Variants in SBF2 observed in about 807,000 individuals in gnomAD.
SBF2 encodes SET binding factor 2, also known as myotubularin-related protein 13.
SBF2 carries 112 observed loss-of-function variants against 225.2 expected under a neutral mutation model. The observed-to-expected ratio is 0.50, with a 90% CI of 0.43 to 0.58. The LOEUF is 0.58. Ranked by LOEUF, SBF2 falls within the 20% of genes least tolerant of loss-of-function variation. The pLI is 0.00. For synonymous variants in SBF2, 763 were observed against 773.3 expected (o/e 0.99, Z 0.22); for missense variants, 1,996 against 2,206.2 (o/e 0.90, Z 1.91).
intron 1 of SBF2, among the ~76,000 whole-genome samples, chr11:10,251,299 T>C (rs554247244): frequency 6.6e-6 from 1 of 152,304 alleles, no homozygotes; most frequent in Admixed American, 6.5e-5. Flanking sequence ...TTAGATCCTT[T>C]TTCCATGATT....
chr11:10,293,917 T>TCCCCAACGCCCGG (rs1555111716), intron 1 of SBF2, 98 bp downstream of exon 1: 35 of 881,738 alleles, frequency 4.0e-5, no homozygotes, highest in Non-Finnish European at 5.0e-5. Context: ...GGCCTGGCCC[T>TCCCCAACGCCCGG]CCCCGACGCC....
intron 2 of SBF2, among the ~76,000 whole-genome samples, chr11:10,048,143 A>G (rs933259264): frequency 6.6e-6 from 1 of 152,180 alleles, no homozygotes; most frequent in Non-Finnish European, 1.5e-5. Flanking sequence ...AAATCTGCAG[A>G]TAATCAAGTC....
At chr11:10,113,308 A>G (rs1952970357) in intron 2 of SBF2, among the ~76,000 whole-genome samples, 1 of 152,146 alleles carries the variant, frequency 6.6e-6, no homozygotes, top group Admixed American at 6.5e-5. Context: ...CTATTTTCTA[A>G]TAACAACATA....
intron 1 of SBF2, among the ~76,000 whole-genome samples, chr11:10,293,020 G>T (rs1964269066): frequency 6.6e-6 from 1 of 152,198 alleles, no homozygotes; most frequent in Non-Finnish European, 1.5e-5. Flanking sequence ...ACCAATGGCT[G>T]TAACCATCAG....
chr11:9,966,289 C>T lies in SBF2; in HGVS notation c.1600+2052G>A, dbSNP rs570543555. On this transcript the variant is annotated intron_variant, in intron 14 of 39. Transcript: ENST00000256190. ...ATTTTTAGTAGAGATGGAGTTTCAC[C>T]GTGTTGGCCAGGCTGGTCTTGAACT... is the stretch of plus-strand genomic sequence containing the variant. Among the ~76,000 whole-genome samples, 6 of 152,200 alleles carry T rather than the reference C, an allele frequency of 3.9e-5. 1 individual carries two copies. Among genetic ancestry groups the T allele is most frequent in the African/African-American group, 1.2e-4 (5 of 41,542 alleles).
intron 1 of SBF2, among the ~76,000 whole-genome samples, chr11:10,287,438 C>G (rs981336367): frequency 6.6e-6 from 1 of 152,010 alleles, no homozygotes; most frequent in East Asian, 1.9e-4. Flanking sequence ...TGTGTCACCA[C>G]GCCAGGCTAT....
At chr11:9,999,310 TATGTATGTATGTATGTATG>T (rs1295476263) in intron 8 of SBF2, among the ~76,000 whole-genome samples, 34 of 151,168 alleles carry the variant, frequency 2.2e-4, no homozygotes, top group Non-Finnish European at 3.7e-4. Flanking sequence ...TGTATGTATG[TATGTATGTATGTATGTATG>T]TATTTATTTT....
intron 2 of SBF2, among the ~76,000 whole-genome samples, chr11:10,178,359 A>G (rs1165276011): frequency 1.4e-5 from 2 of 146,792 alleles, no homozygotes; most frequent in African/African-American, 5.1e-5. Context: ...TCATTACACT[A>G]AAGAGCTTCT....
intron 1 of SBF2, among the ~76,000 whole-genome samples, chr11:10,218,597 G>A (rs919088544): frequency 5.3e-5 from 8 of 152,054 alleles, no homozygotes; most frequent in African/African-American, 1.9e-4. Context: ...CCACCTACGA[G>A]CCTGTAAAAT....
At position 9,856,549 on chromosome 11, in the gene SBF2, G is replaced by A; in HGVS notation, c.2272C>T (p.Leu758=). The A allele has an allele frequency of 1.2e-6, 2 of 1,614,112 alleles. No individual in the cohort carries two copies. Among genetic ancestry groups the A allele is most frequent in the Non-Finnish European group, 1.7e-6 (2 of 1,180,014 alleles). The change falls in exon 19 of 40, where the codon CTA becomes TTA. Residue 758 remains leucine, a synonymous_variant. Coordinates refer to ENST00000256190, the MANE Select transcript of SBF2 (RefSeq NM_030962.4). ...IHFANLMVNL[L]VPLDTSKNKL... Reference sequence around the variant, plus strand: ...TTTTTACTTGTGTCGAGTGGAACTAGCAGGTTCACCATGAGGTTTGCAAAG... The same window carrying A: ...TTTTTACTTGTGTCGAGTGGAACTAACAGGTTCACCATGAGGTTTGCAAAG...
At chr11:10,004,427 G>T (rs1326577149) in intron 6 of SBF2, among the ~76,000 whole-genome samples, 1 of 151,736 alleles carries the variant, frequency 6.6e-6, no homozygotes, top group African/African-American at 2.4e-5. Flanking sequence ...TTGAGTGAGG[G>T]TAGTAAGGTG....
At chr11:10,216,668 G>A (rs771934499) in intron 1 of SBF2, among the ~76,000 whole-genome samples, 9 of 152,166 alleles carry the variant, frequency 5.9e-5, no homozygotes, top group Non-Finnish European at 7.4e-5. Flanking sequence ...TCAAGAGTTC[G>A]AGACCAGCCT....
At chr11:9,925,919 G>A (rs746024260) in intron 16 of SBF2, among the ~76,000 whole-genome samples, 30 of 152,198 alleles carry the variant, frequency 2.0e-4, no homozygotes, top group Non-Finnish European at 4.0e-4. Flanking sequence ...ACTGAAAAAT[G>A]TCAGTCTCCC....
intron 2 of SBF2, among the ~76,000 whole-genome samples, chr11:10,093,505 T>C (rs561096390): frequency 1.1e-4 from 17 of 152,280 alleles, no homozygotes; most frequent in African/African-American, 4.1e-4. Flanking sequence ...TCTTAAGACA[T>C]CCTTGGTAAT....
chr11:10,211,930 A>G (rs1386164570), intron 1 of SBF2, among the ~76,000 whole-genome samples: 2 of 152,204 alleles, frequency 1.3e-5, no homozygotes, highest in African/African-American at 4.8e-5. Context: ...CAAATATACA[A>G]CTGGAGTGGT....
At chr11:9,981,281 T>C (rs1054870364) in intron 13 of SBF2, among the ~76,000 whole-genome samples, 10 of 152,060 alleles carry the variant, frequency 6.6e-5, no homozygotes, top group South Asian at 2.1e-4. Context: ...CTGGCAACAA[T>C]AGACACCGAG....
At position 9,840,010 on chromosome 11, in the gene SBF2, G is replaced by A. The variant is rs192189793; in HGVS notation, c.3257-314C>T. Among the ~76,000 whole-genome samples the A allele has an allele frequency of 4.0e-3, 614 of 152,312 alleles. 2 individuals are homozygous for A. The highest frequency in any genetic ancestry group is 0.013 in the African/African-American group (526 of 41,564). ...CCAGCACTGGGAGGCTGAGGTGGGC[G>A]GATCACAAGGTCAGGAGTTCGAGAG... On this transcript the variant is annotated intron_variant, in intron 25 of 39. Coordinates refer to ENST00000256190, the MANE Select transcript of SBF2 (RefSeq NM_030962.4).
At chr11:9,864,529 G>C (rs190272046) in intron 17 of SBF2, among the ~76,000 whole-genome samples, 3 of 152,234 alleles carry the variant, frequency 2.0e-5, no homozygotes, top group Admixed American at 2.0e-4. Context: ...TGGGACCACA[G>C]GCACACACCA....
At chr11:9,852,796 G>A in intron 20 of SBF2, 47 bp from the exon 21 acceptor site, 1 of 1,355,814 alleles carries the variant, frequency 7.4e-7, no homozygotes, top group Non-Finnish European at 1.1e-6. Context: ...AGACAAGCAG[G>A]ATAAAAACAA....
Sources: allele counts gnomAD v4.1 joint callset (sites outside exome capture counted in the v4.1 genomes callset), GRCh38; gene constraint gnomAD v4.1.1; transcripts MANE v1.5; gene names NCBI Gene and HGNC (gene_info 2026-07-23, HGNC 2026-07-21).